Variants in TRPM3 observed in about 807,000 individuals in gnomAD.
TRPM3 encodes the protein long transient receptor potential channel 3.
TRPM3 carries 77 observed loss-of-function variants against 181.2 expected under a neutral mutation model. The ratio of observed to expected loss-of-function variants is 0.42; its 90% CI spans 0.35 to 0.51. TRPM3 has a LOEUF of 0.51. Among genes scored for constraint, TRPM3 ranks in the 20% least tolerant of loss-of-function variants. The probability of loss-of-function intolerance (pLI) is 0.01; values close to 1 mark genes in which losing one functional copy is unlikely to be tolerated. For missense variants in TRPM3, 1,759 were observed against 2,196.7 expected, an observed-to-expected ratio of 0.80 and a Z score of 3.98; for synonymous variants, 745 against 796.4, an observed-to-expected ratio of 0.94 and a Z score of 1.09.
At chr9:71,253,005 G>A (rs1160105500) in intron 1 of TRPM3, among the ~76,000 whole-genome samples, 1 of 151,916 alleles carries the variant, frequency 6.6e-6, no homozygotes, top group Non-Finnish European at 1.5e-5. Flanking sequence ...TTTCATTATG[G>A]AACTTGGCTG....
At position 71,091,536 on chromosome 9, in the gene TRPM3, C is replaced by T. The variant is rs561297227; in HGVS notation, c.177+29642G>A. Among the ~76,000 whole-genome samples the T allele has an allele frequency of 4.6e-5, 7 of 152,164 alleles. No homozygotes were observed. In the East Asian group the frequency reaches 1.4e-3, roughly 29 times the overall value. ...ATGAATTTGGAGTTGTTGCCGTTAC[C>T]TTGAGCCACAAGAGGGGATCTTGCC... On this transcript the variant is annotated intron_variant, in intron 1 of 25. Coordinates refer to ENST00000677713, the MANE Select transcript of TRPM3 (RefSeq NM_001366145.2).
chr9:71,266,862 T>C (rs937498484), intron 1 of TRPM3, among the ~76,000 whole-genome samples: 4 of 152,230 alleles, frequency 2.6e-5, no homozygotes, highest in African/African-American at 9.6e-5. Context: ...GACTAACACA[T>C]TGTTTGTCTT....
intron 8 of TRPM3, chr9:70,760,756 G>A (rs536150957): frequency 3.3e-5 from 5 of 151,792 alleles, no homozygotes; most frequent in South Asian, 4.2e-4. Flanking sequence ...TGAGGCCTGG[G>A]GGCATCTACC....
chr9:70,557,580 A>T (rs751508967), intron 22 of TRPM3, among the ~76,000 whole-genome samples: 4 of 152,208 alleles, frequency 2.6e-5, no homozygotes, highest in Non-Finnish European at 5.9e-5. Context: ...AGATTCCAGG[A>T]TGGGGAATAA....
chr9:71,018,837 G>A (rs575221998), intron 1 of TRPM3, among the ~76,000 whole-genome samples: 60 of 151,940 alleles, frequency 3.9e-4, no homozygotes, highest in African/African-American at 1.4e-3. Flanking sequence ...AGAACTTTAT[G>A]AGAAGATAAA....
intron 10 of TRPM3, among the ~76,000 whole-genome samples, chr9:70,639,931 C>T (rs1471097593): frequency 6.6e-6 from 1 of 152,156 alleles, no homozygotes; most frequent in African/African-American, 2.4e-5. Flanking sequence ...GCTGTGATTC[C>T]AGGCACAGAA....
intron 6 of TRPM3, among the ~76,000 whole-genome samples, chr9:70,790,217 A>C (rs1418396923): frequency 6.6e-6 from 1 of 152,204 alleles, no homozygotes; most frequent in East Asian, 1.9e-4. Flanking sequence ...TGCTGTTGGA[A>C]ACTGGCTCAT....
chr9:71,049,156 C>T (rs988013602), intron 1 of TRPM3, among the ~76,000 whole-genome samples: 3 of 152,044 alleles, frequency 2.0e-5, no homozygotes, highest in African/African-American at 2.4e-5. Flanking sequence ...AGTCATTGCT[C>T]GAGAGTCAGC....
At chr9:71,054,240 C>G (rs529389212) in intron 1 of TRPM3, among the ~76,000 whole-genome samples, 2 of 152,230 alleles carry the variant, frequency 1.3e-5, no homozygotes, top group African/African-American at 4.8e-5. Context: ...AAGCAAACAT[C>G]ACAGTTCCAA....
chr9:70,778,509 G>A (rs1361523935), intron 7 of TRPM3, among the ~76,000 whole-genome samples: 2 of 152,126 alleles, frequency 1.3e-5, no homozygotes, highest in Non-Finnish European at 2.9e-5. Context: ...AAAACCACCA[G>A]CGTTCTTTGT....
At position 71,118,990 on chromosome 9, in the gene TRPM3, AAC is replaced by A. The variant is rs1410227871; in HGVS notation, c.177+2186_177+2187del. Among the ~76,000 whole-genome samples, 5 of 152,222 alleles carry A rather than the reference AAC, an allele frequency of 3.3e-5. No individual in the cohort carries two copies. The East Asian group carries it at 9.6e-4, about 29-fold the overall frequency. On this transcript the variant is annotated intron_variant, in intron 1 of 25. Coordinates refer to ENST00000677713, the MANE Select transcript of TRPM3 (RefSeq NM_001366145.2). The stretch of plus-strand genomic sequence containing the variant: ...AGAATACATAGGAACTAGCAAAGCA[AAC>A]ACAGGAATCCATAGGAGAAACATAC...
At chr9:71,107,167 G>C (rs1337973963) in intron 1 of TRPM3, among the ~76,000 whole-genome samples, 2 of 152,124 alleles carry the variant, frequency 1.3e-5, no homozygotes, top group African/African-American at 4.8e-5. Context: ...CACAGAGGCA[G>C]TCCCTCACGC....
chr9:71,408,344 TA>T (rs1344600225), intron 1 of TRPM3, among the ~76,000 whole-genome samples: 2 of 152,070 alleles, frequency 1.3e-5, no homozygotes, highest in African/African-American at 4.8e-5. Flanking sequence ...GCAAGAAAGC[TA>T]AAAACCTTGA....
intron 22 of TRPM3, among the ~76,000 whole-genome samples, chr9:70,585,249 C>T (rs1239555727): frequency 6.6e-6 from 1 of 152,176 alleles, no homozygotes; most frequent in Non-Finnish European, 1.5e-5. Context: ...ACTGAATGGA[C>T]GTCTATAAAT....
At chr9:71,193,546 T>C (rs983018085) in intron 1 of TRPM3, among the ~76,000 whole-genome samples, 6 of 151,892 alleles carry the variant, frequency 4.0e-5, no homozygotes, top group African/African-American at 1.4e-4. Flanking sequence ...ATCATGCTGC[T>C]AACTCCCTTT....
intron 8 of TRPM3, among the ~76,000 whole-genome samples, chr9:70,738,142 A>G (rs2073176294): frequency 6.6e-6 from 1 of 152,212 alleles, no homozygotes; most frequent in African/African-American, 2.4e-5. Context: ...AGTCTCATAA[A>G]TTTAAGAAAA....
intron 1 of TRPM3, among the ~76,000 whole-genome samples, chr9:70,998,156 CATATATACATATATACACAT>C (rs1232901539): frequency 7.7e-4 from 21 of 27,200 alleles, no homozygotes; most frequent in Non-Finnish European, 1.3e-3. Context: ...TATATATATA[CATATATACATATATACACAT>C]ATATATACAT....
At chr9:71,423,876 A>G (rs1474398546) in intron 1 of TRPM3, among the ~76,000 whole-genome samples, 1 of 152,178 alleles carries the variant, frequency 6.6e-6, no homozygotes, top group South Asian at 2.1e-4. Flanking sequence ...CACATTACAA[A>G]CTCTACCAAC....
chr9:70,846,613 A>G (rs1272385277), intron 3 of TRPM3, 22 bp from the exon 4 acceptor site: 2 of 1,603,238 alleles, frequency 1.2e-6, no homozygotes, highest in Non-Finnish European at 1.7e-6. Flanking sequence ...AAGGACATCA[A>G]TTAGGGAGAC....
Sources: gnomAD v4.1 joint callset for allele counts (sites outside exome capture counted in the v4.1 genomes callset) on GRCh38, gnomAD v4.1.1 for gene constraint, MANE v1.5 for transcripts, NCBI Gene and HGNC (gene_info 2026-07-23, HGNC 2026-07-21) for gene names.